The following TRPM8 variants were observed in gnomAD, a reference collection of about 807,000 sequenced individuals.
The protein encoded by TRPM8 is transient receptor potential cation channel subfamily M member 8, also known as TRPM8 cationic channel.
A neutral mutation model predicts 133.7 loss-of-function variants in TRPM8; 110 were observed. That is an observed-to-expected ratio of 0.82 (90% CI 0.70 to 0.96). The LOEUF (loss-of-function observed/expected upper bound fraction) is 0.96. Among genes scored for constraint, TRPM8 ranks in the 40% least tolerant of loss-of-function variants. The pLI is 0.00. For synonymous variants in TRPM8, 535 were observed against 532.3 expected, an observed-to-expected ratio of 1.01 and a Z score of -0.07; for missense variants, 1,291 against 1,379.5, an observed-to-expected ratio of 0.94 and a Z score of 1.02.
chr2:233,927,793 TTCTTTC>T lies in TRPM8; in HGVS notation c.117+1140_117+1145del, dbSNP rs1435364888. Among the ~76,000 whole-genome samples the T allele has an allele frequency of 1.3e-4, 6 of 47,172 alleles. No homozygotes were observed. The East Asian group carries it at 2.6e-3, about 20-fold the overall frequency. 30.9% of individuals were successfully genotyped at this position (47,172 alleles called of 152,430 possible). On this transcript the variant is annotated intron_variant, in intron 2 of 25. Coordinates refer to ENST00000324695, the MANE Select transcript of TRPM8 (RefSeq NM_024080.5). ...TTCTTTCTTTCTTTCTTTCTTTCTTTTCTTTCCTTCCTTCCTTCCTTCCTTCCTTCC... is the reference window on the plus strand; with the variant it reads ...TTCTTTCTTTCTTTCTTTCTTTCTTTCTTCCTTCCTTCCTTCCTTCCTTCC...
Position 233,963,268 on chromosome 2 carries a change from C to T in TRPM8, c.1654-14C>T, listed in dbSNP as rs773509789. 6.3e-7 allele frequency: 1 copy of T among 1,593,772 alleles called. No individual in the cohort carries two copies. Among genetic ancestry groups the T allele is most frequent in the South Asian group, 1.1e-5 (1 of 90,038 alleles). On this transcript the variant is annotated splice_polypyrimidine_tract_variant and intron_variant, in intron 12 of 25. Transcript: ENST00000324695. ...TCCATTTGCACATGCTGACCACATGCTCTAACCCCCCAGGACGTGTCTCCT... is the reference window on the plus strand; with the variant it reads ...TCCATTTGCACATGCTGACCACATGTTCTAACCCCCCAGGACGTGTCTCCT...
chr2:233,927,775 TTTCTTTCTTTCTTTCTTTTCTTTCCTTCC>T lies in TRPM8; in HGVS notation c.117+1125_117+1153del, dbSNP rs1179632299. 3.4e-3 allele frequency among the ~76,000 whole-genome samples: 179 copies of T among 52,116 alleles called. 18 individuals carry two copies. In the East Asian group the frequency reaches 0.035, roughly 10 times the overall value. 34.2% of individuals were successfully genotyped at this position (52,116 alleles called of 152,430 possible). The stretch of plus-strand genomic sequence containing the variant: ...CTTTCTTTCTTTCTTTCTTTCTTTC[TTTCTTTCTTTCTTTCTTTTCTTTCCTTCC>T]TTCCTTCCTTCCTTCCTTCCTTCCT... On this transcript the variant is annotated intron_variant, in intron 2 of 25. Coordinates refer to ENST00000324695, the MANE Select transcript of TRPM8 (RefSeq NM_024080.5).
chr2:233,972,791 C>T (rs901653267), intron 17 of TRPM8, among the ~76,000 whole-genome samples: 4 of 152,192 alleles, frequency 2.6e-5, no homozygotes, highest in Non-Finnish European at 5.9e-5. Flanking sequence ...CACGCCCACC[C>T]GGAACTCCAT....
chr2:233,986,425 C>A (rs1692150810), intron 21 of TRPM8, among the ~76,000 whole-genome samples: 1 of 152,120 alleles, frequency 6.6e-6, no homozygotes, highest in Admixed American at 6.5e-5. Flanking sequence ...TTTTCATTTC[C>A]TCTCCATCTT....
intron 22 of TRPM8, 94 bp from the exon 23 acceptor site, chr2:234,006,759 T>A: frequency 2.3e-6 from 2 of 878,830 alleles, no homozygotes; most frequent in South Asian, 3.1e-5. Context: ...CATTCTTAGT[T>A]CTAGAGTCTC....
At chr2:233,966,793 A>G in intron 15 of TRPM8, 38 bp downstream of exon 15, 1 of 1,477,854 alleles carries the variant, frequency 6.8e-7, no homozygotes, top group Non-Finnish European at 9.0e-7. Flanking sequence ...ACGGCCAGAA[A>G]TGGGGCTTTT....
At chr2:234,017,125 GA>G (rs1179162737) in intron 25 of TRPM8, among the ~76,000 whole-genome samples, 173 bp from the exon 26 acceptor site, 1 of 148,904 alleles carries the variant, frequency 6.7e-6, no homozygotes, top group East Asian at 1.9e-4. Flanking sequence ...ATCTTTAAGA[GA>G]AAAAAACATT....
intron 7 of TRPM8, 137 bp downstream of exon 7, chr2:233,946,167 T>C (rs1691039309): frequency 2.3e-6 from 2 of 853,742 alleles, no homozygotes; most frequent in African/African-American, 3.4e-5. Flanking sequence ...AAAGAACTGT[T>C]ATTTCTCTTA....
Position 233,950,163 on chromosome 2 carries a change from A to G in TRPM8, c.1140+17A>G, listed in dbSNP as rs765592850. ...ATCAAATGGGTAAGTTGTCGGGACC[A>G]TGTCTGAGGGCTGAGAAAATAAGAC... is the stretch of plus-strand genomic sequence containing the variant. On this transcript the variant is annotated intron_variant, in intron 9 of 25. Transcript: ENST00000324695. 1.8e-5 allele frequency: 29 copies of G among 1,607,596 alleles called. No homozygotes were observed. The highest frequency in any genetic ancestry group is 1.1e-4 in the East Asian group (5 of 44,776).
At chr2:233,994,252 C>A (rs1052513402) in intron 21 of TRPM8, among the ~76,000 whole-genome samples, 1 of 152,176 alleles carries the variant, frequency 6.6e-6, no homozygotes, top group Non-Finnish European at 1.5e-5. Flanking sequence ...GCAACAGAAC[C>A]AGCTGTGGAC....
chr2:234,011,982 ACTT>A (rs1167623558), intron 24 of TRPM8, among the ~76,000 whole-genome samples: 1 of 147,464 alleles, frequency 6.8e-6, no homozygotes, highest in Non-Finnish European at 1.5e-5. Context: ...CCAGTCTTTT[ACTT>A]CTTTGTTAAA....
At chr2:233,940,166 TTGA>T (rs1690869778) in intron 5 of TRPM8, among the ~76,000 whole-genome samples, 1 of 152,128 alleles carries the variant, frequency 6.6e-6, no homozygotes, top group African/African-American at 2.4e-5. Flanking sequence ...GTGGATTTGG[TTGA>T]TGTTTTCTCG....
At chr2:233,990,263 T>C (rs1040581724) in intron 21 of TRPM8, among the ~76,000 whole-genome samples, 5 of 152,178 alleles carry the variant, frequency 3.3e-5, no homozygotes, top group African/African-American at 1.2e-4. Flanking sequence ...GTGGGCTAGT[T>C]CAGGTTCTTG....
At chr2:233,926,902 A>T (rs374128398) in intron 2 of TRPM8, among the ~76,000 whole-genome samples, 54 of 151,970 alleles carry the variant, frequency 3.6e-4, no homozygotes, top group East Asian at 2.7e-3. Flanking sequence ...TCCTAGCTGC[A>T]CTCCTTCACA....
intron 11 of TRPM8, among the ~76,000 whole-genome samples, chr2:233,960,048 G>A (rs1691393287): frequency 6.6e-6 from 1 of 151,670 alleles, no homozygotes; most frequent in Admixed American, 6.6e-5. Flanking sequence ...CTCCCAAAAT[G>A]CTGGTGATCT....
intron 17 of TRPM8, among the ~76,000 whole-genome samples, chr2:233,975,463 C>A (rs923184861): frequency 1.3e-5 from 2 of 152,202 alleles, no homozygotes; most frequent in African/African-American, 4.8e-5. Context: ...CTTTTTTCTG[C>A]TACTTTTCAC....
chr2:233,965,242 A>G (rs1430649692), intron 14 of TRPM8, among the ~76,000 whole-genome samples: 1 of 152,178 alleles, frequency 6.6e-6, no homozygotes, highest in Non-Finnish European at 1.5e-5. Context: ...AGCATCTGGG[A>G]TGCTTCCCCT....
Position 233,969,675 on chromosome 2 carries a change from C to T in TRPM8, c.2026-20C>T. The T allele has an allele frequency of 1.3e-6, 2 of 1,484,058 alleles. No homozygotes were observed. The highest frequency in any genetic ancestry group is 1.1e-5 in the South Asian group (1 of 88,254). 91.9% of individuals were successfully genotyped at this position (1,484,058 alleles called of 1,614,324 possible). ...ATTGTGTTAATAAGGACCTTGTTCTCTGTCTTTGTTTCCCTGTAGAATTTT... is the reference window on the plus strand; with the variant it reads ...ATTGTGTTAATAAGGACCTTGTTCTTTGTCTTTGTTTCCCTGTAGAATTTT... On this transcript the variant is annotated intron_variant, in intron 15 of 25. Coordinates refer to ENST00000324695, the MANE Select transcript of TRPM8 (RefSeq NM_024080.5).
At chr2:233,966,981 A>G (rs1304350648) in intron 15 of TRPM8, among the ~76,000 whole-genome samples, 1 of 152,180 alleles carries the variant, frequency 6.6e-6, no homozygotes, top group East Asian at 1.9e-4. Context: ...AGTTTCCACT[A>G]AGCAAACAAC....
Sources: allele counts gnomAD v4.1 joint callset (sites outside exome capture counted in the v4.1 genomes callset), GRCh38; gene constraint gnomAD v4.1.1; transcripts MANE v1.5; gene names NCBI Gene and HGNC (gene_info 2026-07-23, HGNC 2026-07-21).